The following ECE2 variants were observed in gnomAD, a reference collection of about 807,000 sequenced individuals.
ECE2 encodes endothelin converting enzyme 2, also known as endothelin-converting enzyme 2.
ECE2 carries 81 observed loss-of-function variants against 100.6 expected under a neutral mutation model. The observed-to-expected ratio is 0.81, with a 90% CI of 0.67 to 0.97. ECE2 has a LOEUF of 0.97. ECE2 is among the 50% of genes least tolerant of loss of function. The pLI is 0.00. For synonymous variants in ECE2, 391 were observed against 391.5 expected, an observed-to-expected ratio of 1.00 and a Z score of 0.02; for missense variants, 911 against 988.1, an observed-to-expected ratio of 0.92 and a Z score of 1.05.
rs1447630711 is a variant in ECE2 at position 184,290,284 on chromosome 3, A to C, written c.1581A>C (p.Gln527His). The change falls in exon 14 of 19, where the codon CAA becomes CAC. Residue 527 changes from glutamine (Q) to histidine (H), a missense_variant. Transcript: ENST00000404464. ...AAATTTCTGAAGATTCTTTCTTCCA[A>C]AACATGTTGAATTTGTACAACTTCT... ...GYEISEDSFF[Q>H]NMLNLYNFSA... is the part of the protein sequence containing the mutation. The C allele has an allele frequency of 6.2e-7, 1 of 1,614,092 alleles. No homozygotes were observed.
intron 7 of ECE2, among the ~76,000 whole-genome samples, chr3:184,282,564 G>A (rs956339632): frequency 2.0e-5 from 3 of 152,210 alleles, no homozygotes; most frequent in Non-Finnish European, 4.4e-5. Context: ...GCTTGGGTCT[G>A]AAATTACAGT....
Position 184,287,964 on chromosome 3 carries a change from C to G in ECE2, c.1374+17C>G. 1 of 1,606,196 alleles carries G rather than the reference C, an allele frequency of 6.2e-7. No individual in the cohort carries two copies. ...AAAGAAATTGTGAGTCTACAAGATT[C>G]TTTCAACACTATGCCCTCAAAATTG... On this transcript the variant is annotated intron_variant, in intron 11 of 18. Transcript: ENST00000404464.
chr3:184,277,033 TG>T lies in ECE2; in HGVS notation c.262+9del. 1 of 1,613,832 alleles carries T rather than the reference TG, an allele frequency of 6.2e-7. No homozygotes were observed. Among genetic ancestry groups the T allele is most frequent in the East Asian group, 2.2e-5 (1 of 44,872 alleles). ...AGGGGTCCAGTACCACAGAGGTAGG[TG>T]GGCCCACACTCTTCGTCAGTATTCA... On this transcript the variant is annotated splice_region_variant and intron_variant, in intron 3 of 18. Coordinates refer to ENST00000404464, the MANE Select transcript of ECE2 (RefSeq NM_001100121.2).
intron 7 of ECE2, among the ~76,000 whole-genome samples, chr3:184,283,492 G>A (rs1720889752): frequency 7.2e-6 from 1 of 139,814 alleles, no homozygotes; most frequent in African/African-American, 2.7e-5. Context: ...AACCCAGGAG[G>A]TGGAGGTTGC....
At chr3:184,276,414 G>A (rs1001516408) in intron 1 of ECE2, 67 bp from the exon 2 acceptor site, 21 of 1,550,020 alleles carry the variant, frequency 1.4e-5, no homozygotes, top group Non-Finnish European at 1.6e-5. Flanking sequence ...AGGGAGCACT[G>A]GGGCAGGGTC....
Position 184,277,402 on chromosome 3 carries a change from T to A in ECE2, c.414T>A (p.Arg138=). Residue 138 remains arginine (R), a synonymous_variant, in exon 4 of 19, where the codon CGT becomes CGA. Coordinates refer to ENST00000404464, the MANE Select transcript of ECE2 (RefSeq NM_001100121.2). ...WIRRNPLPDG[R]SRWNTFNSLW... ...GGAGGAACCCCCTGCCCGATGGGCG[T>A]TCTCGCTGGAACACCTTCAACAGCC... 1 of 1,614,224 alleles carries A rather than the reference T, an allele frequency of 6.2e-7. No homozygotes were observed. Among genetic ancestry groups the A allele is most frequent in the Non-Finnish European group, 8.5e-7 (1 of 1,180,028 alleles).
chr3:184,292,355 T>A lies in ECE2; in HGVS notation c.*117T>A, dbSNP rs1721369878. The A allele has an allele frequency of 8.4e-7, 1 of 1,195,684 alleles. No individual in the cohort carries two copies. The highest frequency in any genetic ancestry group is 2.5e-5 in the East Asian group (1 of 40,026). The allele number at this position is 1,195,684 out of a possible 1,614,324, so 74.1% of individuals were successfully genotyped here. A position where few individuals can be genotyped will look rare whatever the true frequency, so the allele number is the denominator to read the frequency against. ...TGCAAGCTGGGCTGGGTCTAGTCCC[T>A]CCCCCCCACAGGTGACATGAGTACA... On this transcript the variant is annotated 3_prime_UTR_variant, in exon 19 of 19. Coordinates refer to ENST00000404464, the MANE Select transcript of ECE2 (RefSeq NM_001100121.2).
rs1720527955 is a variant in ECE2, at chr3:184,276,063, T to C, written c.-91T>C. 2.5e-6 allele frequency: 3 copies of C among 1,189,400 alleles called. No homozygotes were observed. Among genetic ancestry groups the C allele is most frequent in the Non-Finnish European group, 3.1e-6 (3 of 961,052 alleles). The allele number at this position is 1,189,400 out of a possible 1,614,324, so 73.7% of individuals were successfully genotyped here. ...GCTGCGCGGCGGCCGTGATGGCTGG[T>C]GACGGCGGGGCCGGGCAGGGGACCG... On this transcript the variant is annotated 5_prime_UTR_variant, in exon 1 of 19. Coordinates refer to ENST00000404464, the MANE Select transcript of ECE2 (RefSeq NM_001100121.2).
At chr3:184,286,470 G>A (rs1721038301) in intron 10 of ECE2, among the ~76,000 whole-genome samples, 1 of 152,094 alleles carries the variant, frequency 6.6e-6, no homozygotes, top group African/African-American at 2.4e-5. Context: ...GGAGCAGCAG[G>A]GAAGCGGGGA....
In ECE2 at chr3:184,285,551, G is replaced by A; in HGVS notation, c.1222G>A (p.Ala408Thr). ...TSSLDRRFES[A>T]QEKLLETLYG... ...AAGCCTGGACCGACGCTTTGAGTCTGCACAAGAGAAGCTGCTGGAGACCCT... is the reference window on the plus strand; with the variant it reads ...AAGCCTGGACCGACGCTTTGAGTCTACACAAGAGAAGCTGCTGGAGACCCT... The change falls in exon 10 of 19, where the codon GCA becomes ACA. Residue 408 changes from alanine to threonine, a missense_variant. By Grantham distance (58) the Ala-to-Thr change is moderately conservative. Coordinates refer to ENST00000404464, the MANE Select transcript of ECE2 (RefSeq NM_001100121.2). The A allele has an allele frequency of 6.2e-7, 1 of 1,614,174 alleles. No individual in the cohort carries two copies. The highest frequency in any genetic ancestry group is 2.2e-5 in the East Asian group (1 of 44,874).
At chr3:184,285,817 A>G (rs916332305) in intron 10 of ECE2, among the ~76,000 whole-genome samples, 2 of 152,302 alleles carry the variant, frequency 1.3e-5, no homozygotes, top group East Asian at 3.9e-4. Context: ...CCTGCTCTGT[A>G]AAGCAGGAAT....
At position 184,283,793 on chromosome 3, in the gene ECE2, T is replaced by G; in HGVS notation, c.825T>G (p.Thr275=). ...CACCCGGGCCTTGACAGGTGCTCAC[T>G]GCCTATCTGGATTACATGGAGGAAC... The part of the protein sequence containing the change: ...LNRTANEKVL[T]AYLDYMEELG... The change falls in exon 8 of 19, where the codon ACT becomes ACG. Residue 275 remains threonine (T), a synonymous_variant. Coordinates refer to ENST00000404464, the MANE Select transcript of ECE2 (RefSeq NM_001100121.2). The G allele has an allele frequency of 6.2e-7, 1 of 1,613,700 alleles. No homozygotes were observed. The highest frequency in any genetic ancestry group is 1.1e-5 in the South Asian group (1 of 91,036).
intron 4 of ECE2, 81 bp from the exon 5 acceptor site, chr3:184,277,844 G>A: frequency 6.4e-7 from 1 of 1,565,938 alleles, no homozygotes; most frequent in Non-Finnish European, 8.6e-7. Context: ...ACAAGGCAAG[G>A]AGAGAAACCG....
At chr3:184,281,056 G>A (rs1302635884) in intron 7 of ECE2, among the ~76,000 whole-genome samples, 2 of 152,062 alleles carry the variant, frequency 1.3e-5, no homozygotes, top group Non-Finnish European at 2.9e-5. Context: ...GGAGGACAGA[G>A]AAAGGACAGA....
intron 8 of ECE2, 107 bp downstream of exon 8, chr3:184,284,080 TC>T: frequency 1.5e-6 from 2 of 1,371,008 alleles, no homozygotes; most frequent in Non-Finnish European, 2.0e-6. Context: ...CTTTCCTCAT[TC>T]CCTTGCTTTT....
chr3:184,278,001 G>A lies in ECE2; in HGVS notation c.555G>A (p.Glu185=), dbSNP rs775872269. The A allele has an allele frequency of 3.1e-6, 5 of 1,613,936 alleles. No homozygotes were observed. The highest frequency in any genetic ancestry group is 3.4e-6 in the Non-Finnish European group (4 of 1,180,048). Residue 185 remains glutamate, a synonymous_variant, in exon 5 of 19, where the codon GAG becomes GAA. Coordinates refer to ENST00000404464, the MANE Select transcript of ECE2 (RefSeq NM_001100121.2). ...QRFYLSCLQV[E]RIEELGAQPL... is the part of the protein sequence containing the mutation. The stretch of plus-strand genomic sequence containing the variant: ...TCTACCTATCTTGCCTACAGGTGGA[G>A]CGCATTGAGGAGCTGGGAGCCCAGC...
In ECE2 at chr3:184,290,581, G is replaced by A; in HGVS notation, c.1680G>A (p.Val560=). Residue 560 remains valine (V), a synonymous_variant, in exon 15 of 19, where the codon GTG becomes GTA. Transcript: ENST00000404464. ...RDQWSMTPQT[V]NAYYLPTKNE... ...GGTGGAGCATGACCCCCCAGACAGTGAATGCCTACTACCTTCCAACTAAGA... is the reference window on the plus strand; with the variant it reads ...GGTGGAGCATGACCCCCCAGACAGTAAATGCCTACTACCTTCCAACTAAGA... 2 of 1,614,166 alleles carry A rather than the reference G, an allele frequency of 1.2e-6. No homozygotes were observed. The highest frequency in any genetic ancestry group is 2.2e-5 in the East Asian group (1 of 44,882).
In ECE2 at chr3:184,289,366, C is replaced by G. The variant is rs1721202575; in HGVS notation, c.1375-71C>G. ...CCCCTGGGTGGACAGGGATGGGGCA[C>G]CAAGGGTGGATGGGTGGGGCAGGGA... On this transcript the variant is annotated intron_variant, in intron 11 of 18. Coordinates refer to ENST00000404464, the MANE Select transcript of ECE2 (RefSeq NM_001100121.2). This position sits in a 1 kb window ranked among gnomAD's most constrained non-coding sequence, Gnocchi z 4.1. The G allele has an allele frequency of 6.9e-7, 1 of 1,444,806 alleles. No individual in the cohort carries two copies. The allele number at this position is 1,444,806 out of a possible 1,614,324, so 89.5% of individuals were successfully genotyped here. A position where few individuals can be genotyped will look rare whatever the true frequency, so the allele number is the denominator to read the frequency against.
Position 184,277,037 on chromosome 3 carries a change from C to CCCA in ECE2, c.262+12_262+14dup, listed in dbSNP as rs1164269214. ...GTCCAGTACCACAGAGGTAGGTGGG[C>CCCA]CCACACTCTTCGTCAGTATTCATAA... On this transcript the variant is annotated intron_variant, in intron 3 of 18. Transcript: ENST00000404464. 6.2e-7 allele frequency: 1 copy of CCCA among 1,613,610 alleles called. No homozygotes were observed. Among genetic ancestry groups the CCCA allele is most frequent in the Non-Finnish European group, 8.5e-7 (1 of 1,179,898 alleles).
Sources: allele counts gnomAD v4.1 joint callset (sites outside exome capture counted in the v4.1 genomes callset), GRCh38; gene constraint gnomAD v4.1.1; non-coding constraint Gnocchi (gnomAD v3.1); transcripts MANE v1.5; gene names NCBI Gene and HGNC (gene_info 2026-07-23, HGNC 2026-07-21).